Variants in AUNIP observed in about 807,000 individuals in gnomAD.
AUNIP encodes the protein aurora kinase A and ninein interacting protein, also known as aurora kinase A- and ninein-interacting protein.
In AUNIP, 16 loss-of-function variants were observed where a neutral mutation model predicts 12.2. That is an observed-to-expected ratio of 1.31 (90% CI 0.88 to 1.99). The LOEUF is 1.99. Among genes scored for constraint, AUNIP ranks in the 30% most tolerant of loss-of-function variants. The probability of loss-of-function intolerance (pLI) is 0.00; values close to 1 mark genes in which losing one functional copy is unlikely to be tolerated. For missense variants in AUNIP, 411 were observed against 419.1 expected (o/e 0.98, Z 0.17); for synonymous variants, 142 against 154.8 (o/e 0.92, Z 0.61).
downstream of AUNIP, chr1:25,832,661 T>A (rs1009289121): frequency 4.3e-5 from 7 of 161,806 alleles, no homozygotes; most frequent in South Asian, 3.3e-4. Context: ...AACAACCAAA[T>A]CTACCCTCCA....
intron 1 of AUNIP, among the ~76,000 whole-genome samples, chr1:25,840,884 G>C (rs953919779): frequency 1.3e-5 from 2 of 152,154 alleles, no homozygotes; most frequent in Non-Finnish European, 2.9e-5. Context: ...GGACTGGGAA[G>C]ATAGCGATGA....
In AUNIP at chr1:25,847,731, A is replaced by G. The variant is rs763072266; in HGVS notation, c.79-10177T>C. Among the ~76,000 whole-genome samples, 11 of 152,008 alleles carry G rather than the reference A, an allele frequency of 7.2e-5. No individual in the cohort carries two copies. Among genetic ancestry groups the G allele is most frequent in the Non-Finnish European group, 1.3e-4 (9 of 68,008 alleles). ...AGCACTTTGGGAGGCACATCACTTG[A>G]GCTCAGGAGTTCAAAACCAGCCTGG... On this transcript the variant is annotated intron_variant, in intron 1 of 2. Coordinates refer to ENST00000374298, the MANE Select transcript of AUNIP (RefSeq NM_024037.3). The surrounding 1 kb of genome is among the most constrained non-coding windows in gnomAD (Gnocchi z 4.2).
rs2048277562 is a variant in AUNIP, at chr1:25,834,094, A to AT, written c.*898dup. On this transcript the variant is annotated 3_prime_UTR_variant, in exon 3 of 3. Transcript: ENST00000374298. Reference sequence around the variant, plus strand: ...AAAAGGGTAACAGAGTCACATCCAGATTGTTGTACAGCTCAGGCTTTTTAA... The same window carrying AT: ...AAAAGGGTAACAGAGTCACATCCAGATTTGTTGTACAGCTCAGGCTTTTTAA... The AT allele has an allele frequency of 1.0e-6, 1 of 985,346 alleles. No homozygotes were observed. Among genetic ancestry groups the AT allele is most frequent in the Non-Finnish European group, 1.2e-6 (1 of 829,844 alleles). 61.0% of individuals were successfully genotyped at this position (985,346 alleles called of 1,614,324 possible).
rs2048394192 is a variant in AUNIP at position 25,847,713 on chromosome 1, T to C, written c.79-10159A>G. 6.6e-6 allele frequency among the ~76,000 whole-genome samples: 1 copy of C among 151,932 alleles called. No individual in the cohort carries two copies. The highest frequency in any genetic ancestry group is 2.4e-5 in the African/African-American group (1 of 41,380). ...GCTCACACCTGTAATCCCAGCACTT[T>C]GGGAGGCACATCACTTGAGCTCAGG... On this transcript the variant is annotated intron_variant, in intron 1 of 2. Transcript: ENST00000374298. The surrounding 1 kb of genome is among the most constrained non-coding windows in gnomAD (Gnocchi z 4.2).
intron 1 of AUNIP, among the ~76,000 whole-genome samples, chr1:25,857,732 G>T (rs576729533): frequency 6.6e-6 from 1 of 150,410 alleles, no homozygotes; most frequent in East Asian, 2.0e-4. Flanking sequence ...GCGTAGTGGC[G>T]GGCGCCTGTA....
rs540243213 is a variant in AUNIP at position 25,847,977 on chromosome 1, A to G, written c.79-10423T>C. ...AAATAAAATAAACAACTAAAAATAA[A>G]CAACTTTCAACTTCTGCCATCCTGG... On this transcript the variant is annotated intron_variant, in intron 1 of 2. Coordinates refer to ENST00000374298, the MANE Select transcript of AUNIP (RefSeq NM_024037.3). The surrounding 1 kb of genome is among the most constrained non-coding windows in gnomAD (Gnocchi z 4.2). 3.3e-4 allele frequency among the ~76,000 whole-genome samples: 50 copies of G among 152,080 alleles called. No homozygotes were observed. The highest frequency in any genetic ancestry group is 1.2e-3 in the African/African-American group (50 of 41,474).
downstream of AUNIP, chr1:25,831,997 G>C: frequency 2.5e-6 from 4 of 1,614,174 alleles, no homozygotes; most frequent in South Asian, 4.4e-5. Flanking sequence ...TGCTCTAAAG[G>C]AAGAAGATAT....
chr1:25,835,461 A>G lies in AUNIP; in HGVS notation c.606T>C (p.His202=). Residue 202 remains histidine (H), a synonymous_variant, in exon 3 of 3, where the codon CAT becomes CAC. Coordinates refer to ENST00000374298, the MANE Select transcript of AUNIP (RefSeq NM_024037.3). ...GDSARKWEWL[H]ESKKNYQSME... ...TACTCTGATAGTTCTTCTTAGACTC[A>G]TGAAGCCATTCCCATTTCCTGGCAG... 6.2e-7 allele frequency: 1 copy of G among 1,614,206 alleles called. No homozygotes were observed. The highest frequency in any genetic ancestry group is 2.2e-5 in the East Asian group (1 of 44,890).
chr1:25,832,419 T>G, downstream of AUNIP: 1 of 496,480 alleles, frequency 2.0e-6, no homozygotes, highest in East Asian at 3.6e-5. Context: ...ACTCAGCAGC[T>G]TCCTTGCAGC....
intron 1 of AUNIP, among the ~76,000 whole-genome samples, chr1:25,846,601 T>G (rs2048385311): frequency 6.6e-6 from 1 of 152,064 alleles, no homozygotes. Flanking sequence ...CAGATGCCTC[T>G]AATCCAAGCT....
chr1:25,859,396 G>A lies in AUNIP; in HGVS notation c.-39C>T. On this transcript the variant is annotated 5_prime_UTR_variant, in exon 1 of 3. Transcript: ENST00000374298. ...ACGAAGCCGGCAGGACGCCGGCGCA[G>A]GCTCCCGGCGCCTCAGGGAACGCCA... The A allele has an allele frequency of 1.4e-6, 2 of 1,473,094 alleles. No homozygotes were observed. Among genetic ancestry groups the A allele is most frequent in the Middle Eastern group, 1.9e-4 (1 of 5,268 alleles). 91.3% of individuals were successfully genotyped at this position (1,473,094 alleles called of 1,614,324 possible).
At chr1:25,837,891 T>G (rs1480494444) in intron 1 of AUNIP, among the ~76,000 whole-genome samples, 1 of 152,236 alleles carries the variant, frequency 6.6e-6, no homozygotes, top group African/African-American at 2.4e-5. Context: ...CAGCAGTTGA[T>G]GCATTTTCAG....
intron 1 of AUNIP, among the ~76,000 whole-genome samples, chr1:25,845,846 G>T (rs752750954): frequency 1.5e-4 from 23 of 152,188 alleles, no homozygotes; most frequent in Non-Finnish European, 3.1e-4. Flanking sequence ...TCCAAGCTAA[G>T]ATGAGCTCCT....
At chr1:25,851,159 AG>A (rs2048421678) in intron 1 of AUNIP, among the ~76,000 whole-genome samples, 1 of 152,164 alleles carries the variant, frequency 6.6e-6, no homozygotes, top group African/African-American at 2.4e-5. Context: ...TTATGCTATT[AG>A]TATGGTATAT....
At chr1:25,835,941 T>G (rs1359867398) in intron 2 of AUNIP, 95 bp from the exon 3 acceptor site, 6 of 1,514,028 alleles carry the variant, frequency 4.0e-6, no homozygotes, top group Non-Finnish European at 4.4e-6. Context: ...CAGCTACTAT[T>G]ACTACCTAGT....
At position 25,835,753 on chromosome 1, in the gene AUNIP, TG is replaced by T; in HGVS notation, c.313del (p.His105IlefsTer2). On this transcript the variant is annotated frameshift_variant, in exon 3 of 3. Transcript: ENST00000374298. LOFTEE classifies it low-confidence loss of function (END_TRUNC). ...ESKKNATQLDHLIPGLAHDCM... is the reference protein window; with the variant it reads ...ESKKNATQLDXLIPGLAHDCM... ...ATCGTGTGCTAAGCCTGGGATCAAA[TG>T]GTCTAGCTGGGTCGCATTTTTCTTG... 6.2e-7 allele frequency: 1 copy of T among 1,614,222 alleles called. No homozygotes were observed. Among genetic ancestry groups the T allele is most frequent in the Non-Finnish European group, 8.5e-7 (1 of 1,180,044 alleles).
In AUNIP at chr1:25,835,540, G is replaced by A; in HGVS notation, c.527C>T (p.Thr176Ile). The A allele has an allele frequency of 6.2e-7, 1 of 1,614,176 alleles. No individual in the cohort carries two copies. The highest frequency in any genetic ancestry group is 8.5e-7 in the Non-Finnish European group (1 of 1,180,038). Residue 176 changes from threonine (T) to isoleucine (I), a missense_variant, in exon 3 of 3, where the codon ACC (threonine) becomes ATC (isoleucine). Physicochemically the swap from Thr to Ile is moderately conservative, Grantham distance 89. Coordinates refer to ENST00000374298, the MANE Select transcript of AUNIP (RefSeq NM_024037.3). ...CAAACAAGAACTTTCCAAGTCCTCG[G>A]TGAAGGAAAAAGCCAGTGGGGTATG... ...DSHTPLAFSF[T>I]EDLESSCLLD... is the part of the protein sequence containing the mutation.
chr1:25,832,345 C>A (rs1254931888), downstream of AUNIP: 2 of 635,174 alleles, frequency 3.1e-6, no homozygotes, highest in Non-Finnish European at 5.4e-6. Flanking sequence ...TCCTAAATGA[C>A]TGACTTCACT....
rs139477540 is a variant in AUNIP at position 25,855,481 on chromosome 1, A to G, written c.78+3799T>C. 3.1e-4 allele frequency among the ~76,000 whole-genome samples: 47 copies of G among 152,174 alleles called. No individual in the cohort carries two copies. In the East Asian group the frequency reaches 7.7e-3, roughly 25 times the overall value. ...TGTTTAATTTTTTTTAAACAAACAT[A>G]TATTATTTTCATAATATAAAAACAA... is the stretch of plus-strand genomic sequence containing the variant. On this transcript the variant is annotated intron_variant, in intron 1 of 2. Transcript: ENST00000374298.
Sources: allele counts gnomAD v4.1 joint callset (sites outside exome capture counted in the v4.1 genomes callset), GRCh38; gene constraint gnomAD v4.1.1; non-coding constraint Gnocchi (gnomAD v3.1); transcripts MANE v1.5; gene names NCBI Gene and HGNC (gene_info 2026-07-23, HGNC 2026-07-21).